Variants in CAMK1D observed in about 807,000 individuals in gnomAD.
The protein encoded by CAMK1D is calcium/calmodulin-dependent protein kinase type 1D.
A neutral mutation model predicts 47.7 loss-of-function variants in CAMK1D; 9 were observed. The ratio of observed to expected loss-of-function variants is 0.19; its 90% confidence interval spans 0.11 to 0.33. The LOEUF is 0.33. Among genes scored for constraint, CAMK1D ranks in the 10% least tolerant of loss-of-function variants. The pLI, the probability that CAMK1D is intolerant of heterozygous loss-of-function variation, is 1.00. For missense variants in CAMK1D, 291 were observed against 488.7 expected (o/e 0.60, Z 3.81); for synonymous variants, 184 against 184.9 (o/e 0.99, Z 0.04).
chr10:12,637,767 T>TGTG (rs1367852081), intron 2 of CAMK1D, among the ~76,000 whole-genome samples: 48 of 152,218 alleles, frequency 3.2e-4, no homozygotes, highest in African/African-American at 1.1e-3. Flanking sequence ...TTTGTGAGGC[T>TGTG]GTGGTGCTAT....
At chr10:12,356,216 C>G (rs1054685772) in intron 1 of CAMK1D, among the ~76,000 whole-genome samples, 1 of 152,002 alleles carries the variant, frequency 6.6e-6, no homozygotes, top group South Asian at 2.1e-4. Context: ...TGGCCGAATT[C>G]CGGATGTGTT....
chr10:12,539,778 G>A (rs1836105385), intron 1 of CAMK1D, among the ~76,000 whole-genome samples: 1 of 152,176 alleles, frequency 6.6e-6, no homozygotes, highest in African/African-American at 2.4e-5. Context: ...TTTCATCCAC[G>A]TCAGTACCTT....
At chr10:12,823,141 C>T (rs760326718) in intron 8 of CAMK1D, among the ~76,000 whole-genome samples, 3 of 152,140 alleles carry the variant, frequency 2.0e-5, no homozygotes, top group African/African-American at 7.2e-5. Flanking sequence ...TATGCCTGAG[C>T]CGTGTTCCTT....
chr10:12,744,674 T>C (rs751781995), intron 3 of CAMK1D, among the ~76,000 whole-genome samples: 9 of 151,850 alleles, frequency 5.9e-5, no homozygotes, highest in Non-Finnish European at 1.3e-4. Context: ...GAGGATCACT[T>C]GAGGCTGGGA....
chr10:12,807,592 G>T (rs1192906984), intron 6 of CAMK1D, among the ~76,000 whole-genome samples: 1 of 152,194 alleles, frequency 6.6e-6, no homozygotes, highest in Non-Finnish European at 1.5e-5. Context: ...AGCGTCCACT[G>T]AAGAGGGAGC....
intron 3 of CAMK1D, among the ~76,000 whole-genome samples, chr10:12,750,383 T>A (rs1405107475): frequency 2.0e-5 from 3 of 152,196 alleles, no homozygotes; most frequent in African/African-American, 7.2e-5. Context: ...TGGATGATTA[T>A]TAAAATGCGC....
chr10:12,539,469 C>G (rs2132239631), intron 1 of CAMK1D, among the ~76,000 whole-genome samples: 1 of 152,308 alleles, frequency 6.6e-6, no homozygotes, highest in Admixed American at 6.5e-5. Flanking sequence ...CATGAACATT[C>G]TGTCCCGTCG....
intron 7 of CAMK1D, 92 bp from the exon 8 acceptor site, chr10:12,816,158 T>C: frequency 4.2e-6 from 4 of 954,870 alleles, no homozygotes; most frequent in Non-Finnish European, 6.6e-6. Context: ...TTTTTCATGC[T>C]ACACACGCTC....
At chr10:12,381,533 C>T (rs1351263441) in intron 1 of CAMK1D, among the ~76,000 whole-genome samples, 1 of 152,082 alleles carries the variant, frequency 6.6e-6, no homozygotes, top group Non-Finnish European at 1.5e-5. Context: ...ACGGGTTTCA[C>T]CTTGTTGGCC....
intron 2 of CAMK1D, among the ~76,000 whole-genome samples, chr10:12,651,780 T>A (rs1839973319): frequency 6.6e-6 from 1 of 151,214 alleles, no homozygotes; most frequent in Admixed American, 6.6e-5. Flanking sequence ...TCTTTGGAAA[T>A]AACTTTTTTT....
intron 1 of CAMK1D, among the ~76,000 whole-genome samples, chr10:12,424,382 C>G (rs1352722452): frequency 6.6e-6 from 1 of 152,142 alleles, no homozygotes; most frequent in Non-Finnish European, 1.5e-5. Context: ...CTCCCAATCC[C>G]CCTTTTCTAA....
chr10:12,351,494 G>T, intron 1 of CAMK1D, among the ~76,000 whole-genome samples: 1 of 152,168 alleles, frequency 6.6e-6, no homozygotes, highest in Non-Finnish European at 1.5e-5. Flanking sequence ...CCGCCAATGA[G>T]GAGATGGGAG....
At chr10:12,597,398 G>T (rs1453081937) in intron 2 of CAMK1D, among the ~76,000 whole-genome samples, 1 of 152,132 alleles carries the variant, frequency 6.6e-6, no homozygotes, top group Non-Finnish European at 1.5e-5. Flanking sequence ...GTTCAGTTCT[G>T]CCTGCCCACG....
intron 1 of CAMK1D, among the ~76,000 whole-genome samples, chr10:12,387,997 C>G (rs917265332): frequency 6.6e-6 from 1 of 152,102 alleles, no homozygotes; most frequent in Admixed American, 6.6e-5. Context: ...AGCCTCAGCT[C>G]TTTTCTCCCC....
chr10:12,374,597 C>T (rs1316396145), intron 1 of CAMK1D, among the ~76,000 whole-genome samples: 2 of 152,210 alleles, frequency 1.3e-5, no homozygotes, highest in Admixed American at 1.3e-4. Flanking sequence ...TTCTTTCATT[C>T]TTCAACTCAT....
chr10:12,613,384 C>T (rs1838689218), intron 2 of CAMK1D, among the ~76,000 whole-genome samples: 1 of 152,180 alleles, frequency 6.6e-6, no homozygotes, highest in South Asian at 2.1e-4. Flanking sequence ...AAAAAATAGG[C>T]CAGTGTTATT....
At chr10:12,765,288 G>A (rs11257976) in intron 4 of CAMK1D, among the ~76,000 whole-genome samples, 112,467 of 152,166 alleles carry the variant, frequency 0.74, 43,627 homozygotes, top group Non-Finnish European at 0.86. Context: ...ACTTGACATG[G>A]TAAGGAAGGC....
At position 12,553,221 on chromosome 10, in the gene CAMK1D, A is replaced by G. The variant is rs1213674084; in HGVS notation, c.93-4A>G. 1 of 1,613,840 alleles carries G rather than the reference A, an allele frequency of 6.2e-7. No homozygotes were observed. Among genetic ancestry groups the G allele is most frequent in the Non-Finnish European group, 8.5e-7 (1 of 1,179,946 alleles). ...AGTGTTCTTTTTTCCTTCTTTGTTC[A>G]CAGCGGGGCCTTTTCCGAAGTGGTT... On this transcript the variant is annotated splice_region_variant and splice_polypyrimidine_tract_variant and intron_variant, in intron 1 of 10. Coordinates refer to ENST00000619168, the MANE Select transcript of CAMK1D (RefSeq NM_153498.4).
intron 4 of CAMK1D, among the ~76,000 whole-genome samples, chr10:12,763,206 A>G (rs974142699): frequency 6.6e-6 from 1 of 152,202 alleles, no homozygotes; most frequent in Non-Finnish European, 1.5e-5. Context: ...AGAGGCACAA[A>G]GGAGTTTGAT....
Sources: gnomAD v4.1 joint callset for allele counts (sites outside exome capture counted in the v4.1 genomes callset) on GRCh38, gnomAD v4.1.1 for gene constraint, MANE v1.5 for transcripts, NCBI Gene and HGNC (gene_info 2026-07-23, HGNC 2026-07-21) for gene names.